Variants in ZDHHC14 observed in about 807,000 individuals in gnomAD.
ZDHHC14 encodes palmitoyltransferase ZDHHC14.
ZDHHC14 carries 16 observed loss-of-function variants against 47.7 expected under a neutral mutation model. The observed-to-expected ratio is 0.34, with a 90% CI of 0.23 to 0.51. The LOEUF (loss-of-function observed/expected upper bound fraction) is 0.51, where lower values mean the gene tolerates loss of function less well. Ranked by LOEUF, ZDHHC14 falls within the 20% of genes least tolerant of loss-of-function variation. The probability of loss-of-function intolerance (pLI) is 0.97; values close to 1 mark genes in which losing one functional copy is unlikely to be tolerated. For synonymous variants in ZDHHC14, 293 were observed against 278.9 expected (o/e 1.05, Z -0.50); for missense variants, 515 against 662.5 (o/e 0.78, Z 2.44).
intron 1 of ZDHHC14, among the ~76,000 whole-genome samples, chr6:157,505,206 A>T (rs906990890): frequency 6.6e-6 from 1 of 152,236 alleles, no homozygotes; most frequent in Non-Finnish European, 1.5e-5. Context: ...AAGCAAGGAC[A>T]GTTTCCTAGG....
At chr6:157,459,430 G>T (rs1005777953) in intron 1 of ZDHHC14, among the ~76,000 whole-genome samples, 2 of 152,198 alleles carry the variant, frequency 1.3e-5, no homozygotes, top group Non-Finnish European at 2.9e-5. Context: ...GAAGTTTGGA[G>T]ACTTTGTTGG....
At chr6:157,572,997 C>G (rs1783159384) in intron 2 of ZDHHC14, among the ~76,000 whole-genome samples, 1 of 152,096 alleles carries the variant, frequency 6.6e-6, no homozygotes, top group Non-Finnish European at 1.5e-5. Context: ...TTCTTCTTGA[C>G]AAAGTTCTCT....
Position 157,542,715 on chromosome 6 carries a change from G to C in ZDHHC14, c.376G>C (p.Asp126His). Reference sequence around the variant, plus strand: ...CGGAGTCCTCCCACGAGCCACGCCTGATGAAGCCGCCGATCTGGAAAGGCA... The same window carrying C: ...CGGAGTCCTCCCACGAGCCACGCCTCATGAAGCCGCCGATCTGGAAAGGCA... ...DPGVLPRATP[D>H]EAADLERQID... is the part of the protein sequence containing the mutation. Residue 126 changes from aspartate (D) to histidine (H), a missense_variant, in exon 2 of 9, where the codon GAT (aspartate) becomes CAT (histidine). By Grantham distance (81) the Asp-to-His change is moderately conservative (BLOSUM62 -1). Transcript: ENST00000359775. 11 of 1,613,840 alleles carry C rather than the reference G, an allele frequency of 6.8e-6. No homozygotes were observed. Among genetic ancestry groups the C allele is most frequent in the Non-Finnish European group, 8.5e-6 (10 of 1,179,986 alleles).
chr6:157,458,051 C>T (rs1778970521), intron 1 of ZDHHC14, among the ~76,000 whole-genome samples: 2 of 152,228 alleles, frequency 1.3e-5, no homozygotes, highest in African/African-American at 2.4e-5. Flanking sequence ...CCCCACTTTC[C>T]ATCCCATACT....
chr6:157,668,122 T>TA (rs1198909657), intron 8 of ZDHHC14, among the ~76,000 whole-genome samples: 1 of 152,188 alleles, frequency 6.6e-6, no homozygotes, highest in Non-Finnish European at 1.5e-5. Context: ...AGGACTTAGA[T>TA]ACTTAGGTGC....
rs149134841 is a variant in ZDHHC14 at position 157,582,250 on chromosome 6, G to C, written c.407-10738G>C. Among the ~76,000 whole-genome samples the C allele has an allele frequency of 2.6e-3, 391 of 152,286 alleles. 3 individuals are homozygous for C. Among genetic ancestry groups the C allele is most frequent in the African/African-American group, 9.1e-3 (378 of 41,568 alleles). On this transcript the variant is annotated intron_variant, in intron 2 of 8. Coordinates refer to ENST00000359775, the MANE Select transcript of ZDHHC14 (RefSeq NM_024630.3). This position sits in a 1 kb window ranked among gnomAD's most constrained non-coding sequence, Gnocchi z 4.3. ...CCTATTTACATTCAAAGTTAGTATT[G>C]ATATGTGCGGATTTGATCTTGTCAT...
chr6:157,626,901 C>CG (rs1321021923), intron 3 of ZDHHC14, among the ~76,000 whole-genome samples: 5 of 136,010 alleles, frequency 3.7e-5, no homozygotes, highest in Non-Finnish European at 7.8e-5. Context: ...GGGGGGGGGG[C>CG]GGCGGGGGCA....
At chr6:157,616,640 G>T (rs1045751257) in intron 3 of ZDHHC14, among the ~76,000 whole-genome samples, 11 of 152,162 alleles carry the variant, frequency 7.2e-5, no homozygotes, top group African/African-American at 2.7e-4. Flanking sequence ...GAACTGAAGG[G>T]ACAGAGGGAT....
chr6:157,556,277 G>T (rs1189924820), intron 2 of ZDHHC14, among the ~76,000 whole-genome samples: 2 of 148,204 alleles, frequency 1.3e-5, no homozygotes, highest in Non-Finnish European at 3.0e-5. Context: ...GGGAAGGGGG[G>T]ATGGCCAGCA....
chr6:157,524,123 G>A (rs1781069039), intron 1 of ZDHHC14, among the ~76,000 whole-genome samples: 3 of 151,474 alleles, frequency 2.0e-5, no homozygotes, highest in Admixed American at 6.6e-5. Flanking sequence ...CACTTCTATT[G>A]ATTGGCAATT....
At chr6:157,484,306 C>T (rs201470268) in intron 1 of ZDHHC14, among the ~76,000 whole-genome samples, 42 of 90,146 alleles carry the variant, frequency 4.7e-4, no homozygotes, top group Middle Eastern at 6.5e-3. Context: ...TATATATATA[C>T]ATATATATAC....
chr6:157,460,851 G>A (rs1355823345), intron 1 of ZDHHC14, among the ~76,000 whole-genome samples: 2 of 152,192 alleles, frequency 1.3e-5, no homozygotes, highest in African/African-American at 4.8e-5. Context: ...GGTGCAGGCC[G>A]ATGTGGGCCT....
At chr6:157,484,536 A>C (rs1001084890) in intron 1 of ZDHHC14, among the ~76,000 whole-genome samples, 14 of 150,180 alleles carry the variant, frequency 9.3e-5, no homozygotes, top group Non-Finnish European at 1.8e-4. Context: ...TGAACCTTAA[A>C]TAAAAGTTAA....
At chr6:157,583,987 G>A (rs1783602813) in intron 2 of ZDHHC14, among the ~76,000 whole-genome samples, 1 of 133,020 alleles carries the variant, frequency 7.5e-6, no homozygotes, top group African/African-American at 2.7e-5. Flanking sequence ...GTGGGTGGGT[G>A]GGTCCCAGGG....
intron 1 of ZDHHC14, among the ~76,000 whole-genome samples, chr6:157,505,037 T>G (rs1269876218): frequency 6.6e-6 from 1 of 152,112 alleles, no homozygotes; most frequent in Admixed American, 6.6e-5. Flanking sequence ...CTTGAACACC[T>G]GACCTCAAGT....
intron 8 of ZDHHC14, among the ~76,000 whole-genome samples, chr6:157,655,626 C>T (rs933987129): frequency 3.3e-5 from 5 of 152,238 alleles, no homozygotes; most frequent in Non-Finnish European, 5.9e-5. Context: ...AGCCACTCTA[C>T]CTGGGTTCCC....
chr6:157,452,689 G>GGTTT (rs1778828593), intron 1 of ZDHHC14, among the ~76,000 whole-genome samples: 1 of 121,640 alleles, frequency 8.2e-6, no homozygotes, highest in Non-Finnish European at 1.7e-5. Context: ...AATACATGGG[G>GGTTT]ATTTTTTTTT....
At chr6:157,451,544 C>T (rs1241069194) in intron 1 of ZDHHC14, among the ~76,000 whole-genome samples, 2 of 152,180 alleles carry the variant, frequency 1.3e-5, no homozygotes, top group Non-Finnish European at 2.9e-5. Flanking sequence ...TAATCAATTG[C>T]TGAATCAGTA....
Position 157,478,155 on chromosome 6 carries a change from G to A in ZDHHC14, c.246-64430G>A, listed in dbSNP as rs1348157804. 2.6e-5 allele frequency among the ~76,000 whole-genome samples: 4 copies of A among 152,280 alleles called. No individual in the cohort carries two copies. In the South Asian group the frequency reaches 8.3e-4, roughly 32 times the overall value. On this transcript the variant is annotated intron_variant, in intron 1 of 8. Coordinates refer to ENST00000359775, the MANE Select transcript of ZDHHC14 (RefSeq NM_024630.3). ...TAAGACCACGTCATTGGCAAACTTTGCATTAAACATGTGTTCAGGAATGTT... is the reference window on the plus strand; with the variant it reads ...TAAGACCACGTCATTGGCAAACTTTACATTAAACATGTGTTCAGGAATGTT...
Sources: allele counts gnomAD v4.1 joint callset (sites outside exome capture counted in the v4.1 genomes callset), GRCh38; gene constraint gnomAD v4.1.1; non-coding constraint Gnocchi (gnomAD v3.1); transcripts MANE v1.5; gene names NCBI Gene and HGNC (gene_info 2026-07-23, HGNC 2026-07-21).